Variants in FGF14 observed in about 807,000 individuals in gnomAD.
FGF14 encodes the protein fibroblast growth factor homologous factor 4.
A neutral mutation model predicts 25.5 loss-of-function variants in FGF14; 5 were observed. The ratio of observed to expected loss-of-function variants is 0.20; its 90% CI spans 0.10 to 0.41. The LOEUF is 0.41. Among genes scored for constraint, FGF14 ranks in the 10% least tolerant of loss-of-function variants. The pLI, the probability that FGF14 is intolerant of heterozygous loss-of-function variation, is 1.00. For missense variants in FGF14, 222 were observed against 320.1 expected (o/e 0.69, Z 2.34); for synonymous variants, 138 against 118.3 (o/e 1.17, Z -1.08).
Position 101,716,761 on chromosome 13 carries a change from T to A in FGF14, c.*6070A>T, listed in dbSNP as rs2034739657. On this transcript the variant is annotated 3_prime_UTR_variant, in exon 5 of 5. Coordinates refer to ENST00000376143, the MANE Select transcript of FGF14 (RefSeq NM_004115.4). Reference sequence around the variant, plus strand: ...CAAGACGAGAAATACTGTGATAAAATGGCACCAATCTCAGAAGCTCACAAA... The same window carrying A: ...CAAGACGAGAAATACTGTGATAAAAAGGCACCAATCTCAGAAGCTCACAAA... 7.0e-6 allele frequency: 1 copy of A among 141,948 alleles called. No individual in the cohort carries two copies. Among genetic ancestry groups the A allele is most frequent in the African/African-American group, 2.6e-5 (1 of 37,918 alleles). The allele number at this position is 141,948 out of a possible 1,614,324, so 8.8% of individuals were successfully genotyped here. A position where few individuals can be genotyped will look rare whatever the true frequency, so the allele number is the denominator to read the frequency against.
intron 1 of FGF14, among the ~76,000 whole-genome samples, chr13:102,365,477 G>GAC (rs756107361): frequency 7.2e-5 from 11 of 152,190 alleles, no homozygotes; most frequent in Non-Finnish European, 1.5e-4. Flanking sequence ...CACCCCTCTG[G>GAC]ATTCTACTCA....
At chr13:102,253,430 G>C (rs555302663) in intron 1 of FGF14, among the ~76,000 whole-genome samples, 126 of 152,278 alleles carry the variant, frequency 8.3e-4, no homozygotes, top group African/African-American at 2.8e-3. Flanking sequence ...GTGATGATGA[G>C]CTTTTTTTCA....
intron 1 of FGF14, among the ~76,000 whole-genome samples, chr13:102,338,152 C>T (rs1260768894): frequency 1.3e-5 from 2 of 152,106 alleles, no homozygotes; most frequent in East Asian, 3.8e-4. Context: ...TTTTGAAAGT[C>T]TCCATAAGGA....
intron 3 of FGF14, among the ~76,000 whole-genome samples, chr13:101,826,360 A>G (rs2042393239): frequency 1.3e-5 from 2 of 152,092 alleles, no homozygotes; most frequent in Non-Finnish European, 1.5e-5. Context: ...ACTTGTCTCA[A>G]CCTATCACTA....
intron 1 of FGF14, among the ~76,000 whole-genome samples, chr13:101,953,685 G>A (rs187557708): frequency 4.0e-5 from 6 of 151,016 alleles, no homozygotes; most frequent in Non-Finnish European, 7.4e-5. Context: ...CTGCCTCCCC[G>A]GTTCAAGCGA....
chr13:101,963,012 T>A (rs966437478), intron 1 of FGF14, among the ~76,000 whole-genome samples: 8 of 152,238 alleles, frequency 5.3e-5, no homozygotes, highest in Non-Finnish European at 8.8e-5. Flanking sequence ...TTTCTTTGGA[T>A]ATGATCATGC....
At chr13:102,095,858 CAGTT>C (rs2044369323) in intron 1 of FGF14, among the ~76,000 whole-genome samples, 2 of 151,984 alleles carry the variant, frequency 1.3e-5, no homozygotes, top group Admixed American at 6.6e-5. Flanking sequence ...TCTCAATCAA[CAGTT>C]AGTAGTTAAG....
intron 3 of FGF14, among the ~76,000 whole-genome samples, chr13:101,795,187 G>T (rs2040448617): frequency 6.6e-6 from 1 of 152,128 alleles, no homozygotes; most frequent in African/African-American, 2.4e-5. Flanking sequence ...GCATTCACAT[G>T]AATGAGTGTG....
chr13:101,833,859 C>T (rs1011230641), intron 3 of FGF14, among the ~76,000 whole-genome samples: 7 of 152,078 alleles, frequency 4.6e-5, no homozygotes, highest in African/African-American at 1.7e-4. Flanking sequence ...GGCAACTAAA[C>T]TTACGTTGAA....
chr13:102,169,160 T>C (rs1655116430), intron 1 of FGF14, among the ~76,000 whole-genome samples: 1 of 151,502 alleles, frequency 6.6e-6, no homozygotes, highest in African/African-American at 2.4e-5. Flanking sequence ...GCCTACACTT[T>C]TAAGTCAGCA....
intron 1 of FGF14, among the ~76,000 whole-genome samples, chr13:102,082,683 G>A (rs995695017): frequency 3.3e-5 from 5 of 152,136 alleles, no homozygotes; most frequent in Non-Finnish European, 7.3e-5. Context: ...GGCCGGGCGC[G>A]GTGGCTCACG....
At chr13:101,830,092 A>T (rs969609009) in intron 3 of FGF14, among the ~76,000 whole-genome samples, 1 of 152,104 alleles carries the variant, frequency 6.6e-6, no homozygotes, top group Non-Finnish European at 1.5e-5. Context: ...TGTAAAATGT[A>T]TGTAACAGGA....
At chr13:102,185,214 G>A (rs1448065521) in intron 1 of FGF14, among the ~76,000 whole-genome samples, 1 of 151,974 alleles carries the variant, frequency 6.6e-6, no homozygotes, top group East Asian at 1.9e-4. Context: ...AGAACATAAA[G>A]CTAACATAAT....
At chr13:102,327,835 C>CA (rs1456892155) in intron 1 of FGF14, among the ~76,000 whole-genome samples, 4 of 124,754 alleles carry the variant, frequency 3.2e-5, no homozygotes, top group East Asian at 4.8e-4. Context: ...ACCATGTCTC[C>CA]AAAAAAACAG....
At chr13:102,097,392 A>G (rs573671816) in intron 1 of FGF14, among the ~76,000 whole-genome samples, 2 of 151,278 alleles carry the variant, frequency 1.3e-5, no homozygotes, top group South Asian at 4.1e-4. Flanking sequence ...TCTGGGACAA[A>G]TAGTTTTCCA....
Position 101,816,675 on chromosome 13 carries a change from A to G in FGF14, c.408+52050T>C, listed in dbSNP as rs112826291. Among the ~76,000 whole-genome samples, 870 of 152,252 alleles carry G rather than the reference A, an allele frequency of 5.7e-3. 11 individuals are homozygous for G. The highest frequency in any genetic ancestry group is 0.02 in the African/African-American group (827 of 41,556). On this transcript the variant is annotated intron_variant, in intron 3 of 4. Coordinates refer to ENST00000376143, the MANE Select transcript of FGF14 (RefSeq NM_004115.4). ...AATATGCTATTCTAAATCTTTATTA[A>G]AGCTCTTATGCCCTCATGCATAAGT...
rs1555369639 is a variant in FGF14 at position 101,722,012 on chromosome 13, G to GTGA, written c.*816_*818dup. 1.3e-5 allele frequency: 2 copies of GTGA among 152,042 alleles called. No individual in the cohort carries two copies. The highest frequency in any genetic ancestry group is 2.4e-5 in the African/African-American group (1 of 41,394). 9.4% of individuals were successfully genotyped at this position (152,042 alleles called of 1,614,324 possible). ...AAATGTTACCATTACCAGTAAGCTT[G>GTGA]TGATATGTATAAAACACACACACAC... On this transcript the variant is annotated 3_prime_UTR_variant, in exon 5 of 5. Transcript: ENST00000376143.
chr13:101,763,863 AAAACAAAC>A (rs555541607), intron 3 of FGF14, among the ~76,000 whole-genome samples: 1 of 151,988 alleles, frequency 6.6e-6, no homozygotes, highest in Admixed American at 6.6e-5. Flanking sequence ...TCTGTCTCAA[AAAACAAAC>A]AAACAAACAA....
At chr13:101,780,507 T>C (rs925266930) in intron 3 of FGF14, among the ~76,000 whole-genome samples, 1 of 152,238 alleles carries the variant, frequency 6.6e-6, no homozygotes, top group Non-Finnish European at 1.5e-5. Context: ...TCTTTGCTAC[T>C]TTTATTCTTC....
Sources: gnomAD v4.1 joint callset for allele counts (sites outside exome capture counted in the v4.1 genomes callset) on GRCh38, gnomAD v4.1.1 for gene constraint, MANE v1.5 for transcripts, NCBI Gene and HGNC (gene_info 2026-07-23, HGNC 2026-07-21) for gene names.